The following PIGK variants were observed in gnomAD, a reference collection of about 807,000 sequenced individuals.
The protein encoded by PIGK is phosphatidylinositol glycan anchor biosynthesis class K.
In PIGK, 42 loss-of-function variants were observed where a neutral mutation model predicts 50.6. The observed-to-expected ratio is 0.83, with a 90% CI of 0.65 to 1.07. The LOEUF is 1.07. Ranked by LOEUF, PIGK falls within the 50% of genes least tolerant of loss-of-function variation. The probability of loss-of-function intolerance (pLI) is 0.00; values close to 1 mark genes in which losing one functional copy is unlikely to be tolerated. For synonymous variants in PIGK, 151 were observed against 156.0 expected (o/e 0.97, Z 0.24); for missense variants, 448 against 488.7 (o/e 0.92, Z 0.78).
chr1:77,210,199 C>T lies in PIGK; in HGVS notation c.147+237G>A, dbSNP rs185601344. Among the ~76,000 whole-genome samples the T allele has an allele frequency of 2.0e-3, 299 of 152,018 alleles. 2 individuals are homozygous for T. The highest frequency in any genetic ancestry group is 6.8e-3 in the African/African-American group (283 of 41,500). ...AATGTTTCCTTTAACAATAGCATTC[C>T]TAATTTATTCTTACATTTATTTTCA... On this transcript the variant is annotated intron_variant, in intron 2 of 10. Transcript: ENST00000370812.
chr1:77,150,639 TA>T (rs1171732999), intron 9 of PIGK, among the ~76,000 whole-genome samples: 3 of 151,440 alleles, frequency 2.0e-5, no homozygotes, highest in Admixed American at 6.6e-5. Flanking sequence ...CCCAAATAAA[TA>T]AAATCAGGGA....
chr1:77,175,184 G>T (rs1185490118), intron 3 of PIGK, among the ~76,000 whole-genome samples: 3 of 152,102 alleles, frequency 2.0e-5, no homozygotes, highest in African/African-American at 7.2e-5. Context: ...AAACTGCTTT[G>T]ACTTTTGAAA....
In PIGK at chr1:77,127,762, C is replaced by G. The variant is rs550910646; in HGVS notation, c.987-5403G>C. On this transcript the variant is annotated intron_variant, in intron 9 of 10. Coordinates refer to ENST00000370812, the MANE Select transcript of PIGK (RefSeq NM_005482.3). ...ACACATACCAAAAATAGGAAGGTAG[C>G]CCAATAGTTAGTATAACCTGTTTTG... Among the ~76,000 whole-genome samples the G allele has an allele frequency of 2.0e-5, 3 of 152,090 alleles. No individual in the cohort carries two copies. In the East Asian group the frequency reaches 5.8e-4, roughly 29 times the overall value.
At chr1:77,100,834 G>C (rs1276518657) in intron 10 of PIGK, among the ~76,000 whole-genome samples, 1 of 152,160 alleles carries the variant, frequency 6.6e-6, no homozygotes, top group Non-Finnish European at 1.5e-5. Context: ...ATGGCAGACA[G>C]CCTTTACAAC....
chr1:77,097,141 C>G (rs1248389137), intron 10 of PIGK, among the ~76,000 whole-genome samples: 1 of 151,922 alleles, frequency 6.6e-6, no homozygotes, highest in Non-Finnish European at 1.5e-5. Context: ...TGGAAAGCTT[C>G]GGGTTTTTCT....
intron 8 of PIGK, among the ~76,000 whole-genome samples, chr1:77,154,974 T>C (rs1654977742): frequency 6.6e-6 from 1 of 152,192 alleles, no homozygotes. Context: ...TCTGTATCCA[T>C]CACAGTGCAG....
At chr1:77,205,867 A>T (rs1656274858) in intron 3 of PIGK, among the ~76,000 whole-genome samples, 1 of 152,148 alleles carries the variant, frequency 6.6e-6, no homozygotes, top group African/African-American at 2.4e-5. Flanking sequence ...CTCACTCCCT[A>T]CAAGTAGGAA....
chr1:77,193,958 A>G (rs1655971731), intron 3 of PIGK, among the ~76,000 whole-genome samples: 1 of 152,224 alleles, frequency 6.6e-6, no homozygotes, highest in African/African-American at 2.4e-5. Context: ...TCTAATATCC[A>G]GAATCTATAA....
chr1:77,157,483 C>T (rs1416806242), intron 8 of PIGK, among the ~76,000 whole-genome samples: 1 of 152,118 alleles, frequency 6.6e-6, no homozygotes, highest in Non-Finnish European at 1.5e-5. Context: ...GTGCAAGGTA[C>T]ATATATTTAA....
At chr1:77,102,284 T>A (rs1406044707) in intron 10 of PIGK, among the ~76,000 whole-genome samples, 1 of 152,168 alleles carries the variant, frequency 6.6e-6, no homozygotes, top group Non-Finnish European at 1.5e-5. Flanking sequence ...TCTATTATAT[T>A]TCTAGAGGCA....
intron 3 of PIGK, among the ~76,000 whole-genome samples, chr1:77,203,684 G>C (rs943860493): frequency 3.9e-5 from 6 of 152,198 alleles, no homozygotes; most frequent in African/African-American, 1.4e-4. Context: ...AGAGGGACCA[G>C]CTGAAGCCAC....
intron 9 of PIGK, chr1:77,129,201 C>T (rs972022847): frequency 1.3e-6 from 2 of 1,595,934 alleles, no homozygotes; most frequent in South Asian, 1.1e-5. Flanking sequence ...TAAGAACACT[C>T]GTGAAACTGC....
At chr1:77,210,327 G>T in intron 2 of PIGK, 109 bp downstream of exon 2, 1 of 556,542 alleles carries the variant, frequency 1.8e-6, no homozygotes, top group East Asian at 3.2e-5. Flanking sequence ...AAGAATTTCT[G>T]ATATAAAATG....
At position 77,092,427 on chromosome 1, in the gene PIGK, T is replaced by C. The variant is rs1000011155; in HGVS notation, c.1135A>G (p.Ile379Val). The change falls in exon 11 of 11, where the codon ATC becomes GTC. Residue 379 changes from isoleucine to valine, a missense_variant. Coordinates refer to ENST00000370812, the MANE Select transcript of PIGK (RefSeq NM_005482.3). Reference protein sequence around the residue: ...GFILGLWALIIMVFFKTYGIK... With the variant: ...GFILGLWALIVMVFFKTYGIK... ...CCATAAGTTTTGAAGAAAACCATGA[T>C]AATAAGTGCCCATAATCCCAGAATA... 2.5e-6 allele frequency: 4 copies of C among 1,607,258 alleles called. No homozygotes were observed. The African/African-American group carries it at 5.4e-5, about 22-fold the overall frequency.
intron 10 of PIGK, among the ~76,000 whole-genome samples, chr1:77,110,230 G>A (rs1051045284): frequency 6.6e-5 from 10 of 152,120 alleles, no homozygotes; most frequent in African/African-American, 2.4e-4. Context: ...AAGTGCCAAT[G>A]ACTTTCTTCA....
At chr1:77,156,083 G>T (rs535261542) in intron 8 of PIGK, among the ~76,000 whole-genome samples, 6 of 151,206 alleles carry the variant, frequency 4.0e-5, no homozygotes, top group African/African-American at 1.5e-4. Flanking sequence ...AAATTAAAAA[G>T]GAAAAAAAAG....
chr1:77,181,387 CT>C (rs1390080552), intron 3 of PIGK, among the ~76,000 whole-genome samples: 1 of 152,064 alleles, frequency 6.6e-6, no homozygotes, highest in East Asian at 1.9e-4. Context: ...AAAAACACAA[CT>C]TTTCGTTTGT....
intron 3 of PIGK, among the ~76,000 whole-genome samples, chr1:77,204,939 T>C (rs1656256183): frequency 6.6e-6 from 1 of 152,172 alleles, no homozygotes; most frequent in Non-Finnish European, 1.5e-5. Context: ...ACTGTTTAAA[T>C]CCTTAATTAC....
At chr1:77,136,339 C>G (rs1190152944) in intron 9 of PIGK, among the ~76,000 whole-genome samples, 3 of 151,718 alleles carry the variant, frequency 2.0e-5, no homozygotes, top group Admixed American at 6.6e-5. Context: ...ACCATCCCGG[C>G]TAAAACGGTG....
Sources: allele counts gnomAD v4.1 joint callset (sites outside exome capture counted in the v4.1 genomes callset), GRCh38; gene constraint gnomAD v4.1.1; transcripts MANE v1.5; gene names NCBI Gene and HGNC (gene_info 2026-07-23, HGNC 2026-07-21).